The following CAMTA1 variants were observed in gnomAD, a reference collection of about 807,000 sequenced individuals.
The protein encoded by CAMTA1 is calmodulin binding transcription activator 1, also known as calmodulin-binding transcription activator 1.
In CAMTA1, 27 loss-of-function variants were observed where a neutral mutation model predicts 170.9. The ratio of observed to expected loss-of-function variants is 0.16; its 90% CI spans 0.12 to 0.22. The LOEUF is 0.22. CAMTA1 is among the 10% of genes least tolerant of loss of function. The pLI is 1.00. For missense variants in CAMTA1, 1,619 were observed against 2,217.2 expected, an observed-to-expected ratio of 0.73 and a Z score of 5.42; for synonymous variants, 833 against 891.5, an observed-to-expected ratio of 0.93 and a Z score of 1.17.
intron 4 of CAMTA1, among the ~76,000 whole-genome samples, chr1:7,154,022 G>A (rs1204294530): frequency 6.6e-6 from 1 of 152,196 alleles, no homozygotes; most frequent in Admixed American, 6.5e-5. Flanking sequence ...TGTGTACCTG[G>A]GGACAGTGGG....
intron 3 of CAMTA1, among the ~76,000 whole-genome samples, chr1:6,974,711 A>G (rs939395024): frequency 6.6e-6 from 1 of 152,192 alleles, no homozygotes; most frequent in African/African-American, 2.4e-5. Context: ...GGGGTTTCCT[A>G]GCACTTTGGA....
chr1:7,712,271 T>G (rs562247610), intron 11 of CAMTA1, among the ~76,000 whole-genome samples: 15 of 152,324 alleles, frequency 9.8e-5, no homozygotes, highest in African/African-American at 3.6e-4. Context: ...TTGCATAGAA[T>G]AAGTAATATA....
At chr1:7,103,187 C>A (rs139433169) in intron 4 of CAMTA1, among the ~76,000 whole-genome samples, 1 of 151,968 alleles carries the variant, frequency 6.6e-6, no homozygotes, top group African/African-American at 2.4e-5. Flanking sequence ...ATTATTAACA[C>A]CCTTGCCTGG....
chr1:7,670,120 T>G (rs923411296), intron 9 of CAMTA1, among the ~76,000 whole-genome samples: 12 of 152,308 alleles, frequency 7.9e-5, no homozygotes, highest in Admixed American at 7.2e-4. Context: ...CATTCGAGGC[T>G]GCTCCCAGCC....
At chr1:7,657,536 G>A (rs558662494) in intron 7 of CAMTA1, among the ~76,000 whole-genome samples, 12 of 152,138 alleles carry the variant, frequency 7.9e-5, no homozygotes, top group Non-Finnish European at 1.8e-4. Flanking sequence ...TACTTTTAAC[G>A]CGGTTTCCCT....
chr1:7,206,355 G>A (rs933670730), intron 4 of CAMTA1, among the ~76,000 whole-genome samples: 12 of 152,178 alleles, frequency 7.9e-5, no homozygotes, highest in African/African-American at 2.9e-4. Context: ...AGTTTTGAAA[G>A]GTTTTCTCAT....
At chr1:7,753,266 C>T (rs2096909991) in intron 21 of CAMTA1, among the ~76,000 whole-genome samples, 1 of 152,222 alleles carries the variant, frequency 6.6e-6, no homozygotes, top group African/African-American at 2.4e-5. Context: ...AGACTAGCGT[C>T]TCTACTTAGA....
intron 3 of CAMTA1, among the ~76,000 whole-genome samples, chr1:7,046,457 G>C (rs1329298499): frequency 6.6e-6 from 1 of 152,218 alleles, no homozygotes; most frequent in African/African-American, 2.4e-5. Context: ...TGGTTCTTGT[G>C]GCTGAAATTG....
intron 3 of CAMTA1, among the ~76,000 whole-genome samples, chr1:6,924,542 T>C (rs1682697739): frequency 6.6e-6 from 1 of 152,198 alleles, no homozygotes; most frequent in Non-Finnish European, 1.5e-5. Context: ...TTTCACCCAC[T>C]GAGTGTCGAC....
At chr1:7,516,863 T>A (rs759774141) in intron 6 of CAMTA1, among the ~76,000 whole-genome samples, 1 of 152,184 alleles carries the variant, frequency 6.6e-6, no homozygotes, top group Non-Finnish European at 1.5e-5. Flanking sequence ...CTGAGAGGGC[T>A]CTTGTTTGTA....
At chr1:6,806,990 G>T (rs899625186) in intron 1 of CAMTA1, 14 of 618,034 alleles carry the variant, frequency 2.3e-5, no homozygotes, top group Non-Finnish European at 4.1e-5. Context: ...CAGGCACAAG[G>T]AAGGACAGAC....
intron 6 of CAMTA1, among the ~76,000 whole-genome samples, chr1:7,573,120 G>A (rs1374122038): frequency 2.0e-5 from 3 of 152,222 alleles, no homozygotes; most frequent in African/African-American, 7.2e-5. Flanking sequence ...CAAACCTAAT[G>A]GAGTGGCATG....
intron 3 of CAMTA1, among the ~76,000 whole-genome samples, chr1:6,968,431 A>G (rs1405962144): frequency 2.6e-5 from 4 of 152,140 alleles, no homozygotes; most frequent in Non-Finnish European, 5.9e-5. Context: ...TGCCTTGTAT[A>G]TGGCCTCAGG....
At chr1:6,956,736 C>G in intron 3 of CAMTA1, among the ~76,000 whole-genome samples, 1 of 152,170 alleles carries the variant, frequency 6.6e-6, no homozygotes, top group East Asian at 1.9e-4. Context: ...CACTTGTTCT[C>G]TTATAAAAAC....
At chr1:7,446,257 C>T (rs1305482074) in intron 5 of CAMTA1, among the ~76,000 whole-genome samples, 1 of 151,478 alleles carries the variant, frequency 6.6e-6, no homozygotes, top group Non-Finnish European at 1.5e-5. Flanking sequence ...CCCCATTTTC[C>T]TCTCCCTATG....
intron 3 of CAMTA1, among the ~76,000 whole-genome samples, chr1:6,923,255 G>A (rs945496848): frequency 6.6e-6 from 1 of 152,128 alleles, no homozygotes; most frequent in Non-Finnish European, 1.5e-5. Context: ...GTATGTGGAA[G>A]CGAGAGGGGT....
chr1:6,896,282 A>G (rs982491656), intron 3 of CAMTA1, among the ~76,000 whole-genome samples: 1 of 152,224 alleles, frequency 6.6e-6, no homozygotes. Context: ...AGATGAAAAT[A>G]TAATTTCCTA....
At chr1:7,366,188 A>G (rs531999921) in intron 5 of CAMTA1, among the ~76,000 whole-genome samples, 1 of 152,322 alleles carries the variant, frequency 6.6e-6, no homozygotes, top group Non-Finnish European at 1.5e-5. Flanking sequence ...GAGTTTTATC[A>G]GCGAGTGGCC....
chr1:7,560,128 A>G (rs910383676), intron 6 of CAMTA1, among the ~76,000 whole-genome samples: 5 of 152,176 alleles, frequency 3.3e-5, no homozygotes, highest in East Asian at 3.9e-4. Flanking sequence ...CTCTCCCCCA[A>G]CTGTGGGGTG....
Sources: gnomAD v4.1 joint callset for allele counts (sites outside exome capture counted in the v4.1 genomes callset) on GRCh38, gnomAD v4.1.1 for gene constraint, MANE v1.5 for transcripts, NCBI Gene and HGNC (gene_info 2026-07-23, HGNC 2026-07-21) for gene names.